Variants in NPFFR2 observed in about 807,000 individuals in gnomAD.
NPFFR2 encodes the protein neuropeptide FF receptor 2, also known as G-protein coupled receptor 74.
In NPFFR2, 15 loss-of-function variants were observed where a neutral mutation model predicts 13.1. That is an observed-to-expected ratio of 1.15 (90% CI 0.77 to 1.76). The LOEUF (loss-of-function observed/expected upper bound fraction) is 1.76, where lower values mean the gene tolerates loss of function less well. Among genes scored for constraint, NPFFR2 ranks in the 40% most tolerant of loss-of-function variants. The pLI, the probability that NPFFR2 is intolerant of heterozygous loss-of-function variation, is 0.00. For missense variants in NPFFR2, 572 were observed against 503.5 expected, an observed-to-expected ratio of 1.14 and a Z score of -1.30; for synonymous variants, 190 against 175.7, an observed-to-expected ratio of 1.08 and a Z score of -0.65.
intron 1 of NPFFR2, among the ~76,000 whole-genome samples, chr4:72,126,168 G>A (rs771223229): frequency 1.1e-4 from 17 of 152,062 alleles, no homozygotes; most frequent in East Asian, 7.7e-4. Flanking sequence ...TATCCAAAAC[G>A]TTATCTTGGA....
rs147934711 is a variant in NPFFR2 at position 72,128,675 on chromosome 4, A to G, written c.84A>G (p.Ser28=). 44 of 1,613,686 alleles carry G rather than the reference A, an allele frequency of 2.7e-5. No homozygotes were observed. Among genetic ancestry groups the G allele is most frequent in the Non-Finnish European group, 3.6e-5 (43 of 1,179,678 alleles). The change falls in exon 2 of 4, where the codon TCA becomes TCG. Residue 28 remains serine (S), a synonymous_variant. Transcript: ENST00000308744. ...ATGACACAAAGCATCATCTGTACTC[A>G]GATATTAATATTACCTATGTGAACT... is the stretch of plus-strand genomic sequence containing the variant. The part of the protein sequence containing the change: ...NVNDTKHHLY[S]DINITYVNYY...
At chr4:72,087,705 C>G (rs1183462977) in intron 1 of NPFFR2, among the ~76,000 whole-genome samples, 1 of 151,964 alleles carries the variant, frequency 6.6e-6, no homozygotes, top group African/African-American at 2.4e-5. Context: ...GAGAACTTTG[C>G]TGCTTTTTAG....
chr4:72,042,929 C>T (rs1473090986), intron 1 of NPFFR2, among the ~76,000 whole-genome samples: 1 of 152,182 alleles, frequency 6.6e-6, no homozygotes, highest in Non-Finnish European at 1.5e-5. Context: ...AAAAATGTCT[C>T]CAGGGCACAT....
At chr4:72,076,289 G>A (rs1720435160) in intron 1 of NPFFR2, among the ~76,000 whole-genome samples, 2 of 151,960 alleles carry the variant, frequency 1.3e-5, no homozygotes, top group Non-Finnish European at 2.9e-5. Flanking sequence ...ATAGATGGGA[G>A]AGGAAAGAGA....
At chr4:72,139,607 A>G (rs1346006369) in intron 3 of NPFFR2, among the ~76,000 whole-genome samples, 3 of 152,080 alleles carry the variant, frequency 2.0e-5, no homozygotes, top group African/African-American at 7.2e-5. Flanking sequence ...GTTCTGTTCC[A>G]TTGGTCTATC....
intron 3 of NPFFR2, among the ~76,000 whole-genome samples, chr4:72,141,266 C>T (rs565028068): frequency 4.0e-5 from 6 of 151,472 alleles, no homozygotes; most frequent in Non-Finnish European, 8.8e-5. Context: ...TCCTTCAGTT[C>T]TGCTCTGATC....
intron 1 of NPFFR2, among the ~76,000 whole-genome samples, chr4:72,040,779 A>G (rs1490606594): frequency 6.6e-6 from 1 of 151,966 alleles, no homozygotes; most frequent in Non-Finnish European, 1.5e-5. Context: ...ATTAAAATTT[A>G]TCTTCCAAAA....
In NPFFR2 at chr4:72,141,165, G is replaced by C. The variant is rs552685426; in HGVS notation, c.428+3026G>C. On this transcript the variant is annotated intron_variant, in intron 3 of 3. Transcript: ENST00000308744. ...CTTCTCTCTTTTCTCCTTTATTAGT[G>C]TTGCTAGTAGTCTATCAATTTTGTT... Among the ~76,000 whole-genome samples the C allele has an allele frequency of 1.8e-3, 278 of 151,270 alleles. 1 individual carries two copies. The highest frequency in any genetic ancestry group is 6.4e-3 in the African/African-American group (263 of 41,262).
intron 1 of NPFFR2, among the ~76,000 whole-genome samples, chr4:72,074,319 C>G (rs1022379774): frequency 6.6e-6 from 1 of 152,012 alleles, no homozygotes. Flanking sequence ...TCATAAATCT[C>G]ATCACATAGG....
At chr4:72,143,600 G>C (rs113605510) in intron 3 of NPFFR2, among the ~76,000 whole-genome samples, 8 of 152,132 alleles carry the variant, frequency 5.3e-5, no homozygotes, top group Non-Finnish European at 8.8e-5. Context: ...GGCGCATCCA[G>C]AAATAAGATT....
chr4:72,096,084 G>A (rs964074724), intron 1 of NPFFR2, among the ~76,000 whole-genome samples: 1 of 152,164 alleles, frequency 6.6e-6, no homozygotes, highest in African/African-American at 2.4e-5. Context: ...CAAATATAAA[G>A]TCTTTTTTCA....
At chr4:72,070,742 G>T (rs1362133627) in intron 1 of NPFFR2, among the ~76,000 whole-genome samples, 1 of 151,794 alleles carries the variant, frequency 6.6e-6, no homozygotes, top group East Asian at 1.9e-4. Flanking sequence ...ACACTTTATA[G>T]GAAAAAAAAG....
intron 1 of NPFFR2, among the ~76,000 whole-genome samples, chr4:72,043,024 T>C (rs13102431): frequency 0.89 from 135,423 of 152,210 alleles, 61,391 homozygotes; most frequent in Non-Finnish European, 0.98. Context: ...CCAGGCCCCC[T>C]TGCTGTGTTC....
At chr4:72,131,572 T>A in intron 2 of NPFFR2, among the ~76,000 whole-genome samples, 1 of 152,022 alleles carries the variant, frequency 6.6e-6, no homozygotes, top group East Asian at 1.9e-4. Context: ...AATGTGCACA[T>A]GTACCCTAAA....
At chr4:72,099,195 A>C (rs1361258391) in intron 1 of NPFFR2, among the ~76,000 whole-genome samples, 1 of 152,228 alleles carries the variant, frequency 6.6e-6, no homozygotes, top group African/African-American at 2.4e-5. Flanking sequence ...CATGCATCTT[A>C]GCACTGCTGA....
intron 1 of NPFFR2, among the ~76,000 whole-genome samples, chr4:72,054,431 TA>T: frequency 1.3e-5 from 2 of 151,992 alleles, no homozygotes; most frequent in Middle Eastern, 3.4e-3. Context: ...AATATTCCTA[TA>T]AAAAATTAAC....
intron 1 of NPFFR2, among the ~76,000 whole-genome samples, chr4:72,069,308 T>C (rs1442243048): frequency 1.3e-5 from 2 of 152,148 alleles, no homozygotes; most frequent in Non-Finnish European, 2.9e-5. Context: ...TATCAAATTA[T>C]ATCATTATGT....
chr4:72,043,076 G>A (rs1578417868), intron 1 of NPFFR2, among the ~76,000 whole-genome samples: 1 of 152,138 alleles, frequency 6.6e-6, no homozygotes, highest in East Asian at 1.9e-4. Context: ...CACTCCAACC[G>A]TGGGTAAAAG....
At chr4:72,062,710 C>A (rs748029245) in intron 1 of NPFFR2, among the ~76,000 whole-genome samples, 16 of 152,118 alleles carry the variant, frequency 1.1e-4, no homozygotes, top group Non-Finnish European at 4.4e-5. Context: ...GTGATTCTTT[C>A]TTGCTCCTCT....
Sources: allele counts gnomAD v4.1 joint callset (sites outside exome capture counted in the v4.1 genomes callset), GRCh38; gene constraint gnomAD v4.1.1; transcripts MANE v1.5; gene names NCBI Gene and HGNC (gene_info 2026-07-23, HGNC 2026-07-21).